The following SLC4A7 variants were observed in gnomAD, a reference collection of about 807,000 sequenced individuals.
SLC4A7 encodes the protein sodium bicarbonate cotransporter 3.
SLC4A7 carries 51 observed loss-of-function variants against 137.6 expected under a neutral mutation model. The observed-to-expected ratio is 0.37, with a 90% CI of 0.30 to 0.47. The LOEUF (loss-of-function observed/expected upper bound fraction) is 0.47, where lower values mean the gene tolerates loss of function less well. Ranked by LOEUF, SLC4A7 falls within the 20% of genes least tolerant of loss-of-function variation. The probability of loss-of-function intolerance (pLI) is 1.00; values close to 1 mark genes in which losing one functional copy is unlikely to be tolerated. For synonymous variants in SLC4A7, 542 were observed against 518.6 expected, an observed-to-expected ratio of 1.05 and a Z score of -0.61; for missense variants, 1,247 against 1,525.4, an observed-to-expected ratio of 0.82 and a Z score of 3.04.
At position 27,373,251 on chromosome 3, in the gene SLC4A7, C is replaced by T. The variant is rs1394847768; in HGVS notation, c.*3513G>A. 1 of 152,036 alleles carries T rather than the reference C, an allele frequency of 6.6e-6. No individual in the cohort carries two copies. The highest frequency in any genetic ancestry group is 2.4e-5 in the African/African-American group (1 of 41,408). The allele number at this position is 152,036 out of a possible 1,614,324, so 9.4% of individuals were successfully genotyped here. ...GATCTTTGGATGATTACATTTCCAA[C>T]TATGTTTTCCTATAATTGACATTTA... On this transcript the variant is annotated 3_prime_UTR_variant, in exon 26 of 26. Coordinates refer to ENST00000454389, the MANE Select transcript of SLC4A7 (RefSeq NM_001321103.2).
At chr3:27,419,637 A>G (rs1348894376) in intron 10 of SLC4A7, among the ~76,000 whole-genome samples, 1 of 150,978 alleles carries the variant, frequency 6.6e-6, no homozygotes, top group Non-Finnish European at 1.5e-5. Context: ...CGCCCGGCCA[A>G]AAGTTTAAAT....
intron 1 of SLC4A7, among the ~76,000 whole-genome samples, chr3:27,464,608 G>C (rs540242180): frequency 1.3e-5 from 2 of 152,042 alleles, no homozygotes; most frequent in South Asian, 4.1e-4. Flanking sequence ...CAGGAGAACT[G>C]CTTGAACCCG....
At chr3:27,443,449 T>C (rs1043460890) in intron 3 of SLC4A7, among the ~76,000 whole-genome samples, 1 of 152,140 alleles carries the variant, frequency 6.6e-6, no homozygotes, top group African/African-American at 2.4e-5. Context: ...TTAATAATCT[T>C]TTTTCAACGT....
intron 8 of SLC4A7, 29 bp downstream of exon 8, chr3:27,424,008 T>A (rs370734398): frequency 8.1e-7 from 1 of 1,233,192 alleles, no homozygotes; most frequent in Non-Finnish European, 1.2e-6. Context: ...AGAATAATTA[T>A]GAGAATTTTC....
chr3:27,372,795 ATGAAACAAATT>A lies in SLC4A7; in HGVS notation c.*3958_*3968del. 6.5e-6 allele frequency: 1 copy of A among 152,802 alleles called. No individual in the cohort carries two copies. Among genetic ancestry groups the A allele is most frequent in the African/African-American group, 2.4e-5 (1 of 41,590 alleles). The allele number at this position is 152,802 out of a possible 1,614,324, so 9.5% of individuals were successfully genotyped here. Reference sequence around the variant, plus strand: ...AAAAAATAGTTTTCATCTAACAATTATGAAACAAATTTGAAAGGCAGGATGATTCACAATAT... The same window carrying A: ...AAAAAATAGTTTTCATCTAACAATTATGAAAGGCAGGATGATTCACAATAT... On this transcript the variant is annotated 3_prime_UTR_variant, in exon 26 of 26. Transcript: ENST00000454389.
chr3:27,435,165 T>C (rs931628922), intron 5 of SLC4A7, among the ~76,000 whole-genome samples: 2 of 152,224 alleles, frequency 1.3e-5, no homozygotes, highest in Non-Finnish European at 2.9e-5. Context: ...GAAGATTAAA[T>C]ACTACAGATT....
chr3:27,421,188 G>C (rs528522627), intron 9 of SLC4A7, among the ~76,000 whole-genome samples: 28 of 151,976 alleles, frequency 1.8e-4, no homozygotes, highest in African/African-American at 6.5e-4. Flanking sequence ...TGGTACAGTG[G>C]CTGAATATTA....
At chr3:27,448,488 AATT>A (rs2057835622) in intron 3 of SLC4A7, among the ~76,000 whole-genome samples, 160 bp downstream of exon 3, 1 of 152,028 alleles carries the variant, frequency 6.6e-6, no homozygotes, top group African/African-American at 2.4e-5. Flanking sequence ...ATAAAAAAAA[AATT>A]ATTACTTCAA....
At chr3:27,473,706 A>C (rs1399462443) in intron 1 of SLC4A7, among the ~76,000 whole-genome samples, 1 of 35,738 alleles carries the variant, frequency 2.8e-5, no homozygotes, top group Admixed American at 4.8e-4. Flanking sequence ...ACCTCATGTC[A>C]AAAAAAAAAA....
At chr3:27,386,103 A>C in intron 22 of SLC4A7, 80 bp from the exon 23 acceptor site, 2 of 1,151,284 alleles carry the variant, frequency 1.7e-6, no homozygotes, top group Non-Finnish European at 2.4e-6. Flanking sequence ...ATATTTATTA[A>C]ATCTTATAAA....
At chr3:27,480,247 G>T (rs570821321) in intron 1 of SLC4A7, among the ~76,000 whole-genome samples, 37 of 152,220 alleles carry the variant, frequency 2.4e-4, no homozygotes, top group African/African-American at 8.4e-4. Flanking sequence ...GTTTCATCTT[G>T]TATTGAGGCA....
At chr3:27,437,688 A>C (rs1559766453) in intron 3 of SLC4A7, among the ~76,000 whole-genome samples, 162 bp from the exon 4 acceptor site, 1 of 152,170 alleles carries the variant, frequency 6.6e-6, no homozygotes, top group African/African-American at 2.4e-5. Flanking sequence ...AAAGGAAACA[A>C]GAACCAACAA....
intron 3 of SLC4A7, among the ~76,000 whole-genome samples, chr3:27,447,640 CTTTTT>C (rs71087609): frequency 1.0e-5 from 1 of 99,700 alleles, no homozygotes; most frequent in African/African-American, 4.2e-5. Flanking sequence ...TTTTACAGCC[CTTTTT>C]TTTTTTTTTT....
chr3:27,418,664 T>A (rs1264935127), intron 10 of SLC4A7, 32 bp from the exon 11 acceptor site: 3 of 1,430,830 alleles, frequency 2.1e-6, no homozygotes, highest in Non-Finnish European at 2.9e-6. Context: ...TAAAAGATTT[T>A]AAAGTTGAAA....
At chr3:27,483,437 G>A (rs1383097848) in intron 1 of SLC4A7, among the ~76,000 whole-genome samples, 1 of 152,198 alleles carries the variant, frequency 6.6e-6, no homozygotes, top group East Asian at 1.9e-4. Flanking sequence ...CCAGCCAGTG[G>A]AGAAGGCGGA....
Position 27,373,022 on chromosome 3 carries a change from T to A in SLC4A7, c.*3742A>T. On this transcript the variant is annotated 3_prime_UTR_variant, in exon 26 of 26. Coordinates refer to ENST00000454389, the MANE Select transcript of SLC4A7 (RefSeq NM_001321103.2). Reference sequence around the variant, plus strand: ...ATGAACAATAAAATTCAATTTTTATTTATTTAAACGTAGTTAAACATTGGA... The same window carrying A: ...ATGAACAATAAAATTCAATTTTTATATATTTAAACGTAGTTAAACATTGGA... 6.6e-6 allele frequency: 1 copy of A among 152,076 alleles called. No individual in the cohort carries two copies. The highest frequency in any genetic ancestry group is 1.5e-5 in the Non-Finnish European group (1 of 67,914). 9.4% of individuals were successfully genotyped at this position (152,076 alleles called of 1,614,324 possible). A position where few individuals can be genotyped will look rare whatever the true frequency, so the allele number is the denominator to read the frequency against.
intron 3 of SLC4A7, among the ~76,000 whole-genome samples, chr3:27,441,273 G>T (rs1169158522): frequency 2.6e-5 from 4 of 152,098 alleles, no homozygotes; most frequent in African/African-American, 9.7e-5. Flanking sequence ...GTCCGTAGTT[G>T]TATTTTTCCT....
Position 27,443,162 on chromosome 3 carries a change from C to G in SLC4A7, c.289+5489G>C, listed in dbSNP as rs142114155. On this transcript the variant is annotated intron_variant, in intron 3 of 25. Coordinates refer to ENST00000454389, the MANE Select transcript of SLC4A7 (RefSeq NM_001321103.2). Reference sequence around the variant, plus strand: ...TTCTCCTGTCTCAGCCTCTGGGTAGCTGGGACTACAGGAACGTGCCAAAAC... The same window carrying G: ...TTCTCCTGTCTCAGCCTCTGGGTAGGTGGGACTACAGGAACGTGCCAAAAC... Among the ~76,000 whole-genome samples, 321 of 150,672 alleles carry G rather than the reference C, an allele frequency of 2.1e-3. 1 individual carries two copies. The highest frequency in any genetic ancestry group is 0.014 in the Middle Eastern group (4 of 292).
At chr3:27,431,165 A>C in intron 7 of SLC4A7, 133 bp downstream of exon 7, 2 of 1,001,634 alleles carry the variant, frequency 2.0e-6, no homozygotes. Flanking sequence ...TAAAGAAAAA[A>C]AAACATGCAG....
Sources: gnomAD v4.1 joint callset for allele counts (sites outside exome capture counted in the v4.1 genomes callset) on GRCh38, gnomAD v4.1.1 for gene constraint, MANE v1.5 for transcripts, NCBI Gene and HGNC (gene_info 2026-07-23, HGNC 2026-07-21) for gene names.